Variants in VPS8 observed in about 807,000 individuals in gnomAD.
VPS8 encodes the protein VPS8 subunit of CORVET complex, also known as vacuolar protein sorting-associated protein 8 homolog.
Under a neutral mutation model 216.4 loss-of-function variants are expected in VPS8, and 129 were observed. The ratio of observed to expected loss-of-function variants is 0.60; its 90% CI spans 0.52 to 0.69. The LOEUF is 0.69. Ranked by LOEUF, VPS8 falls within the 30% of genes least tolerant of loss-of-function variation. The pLI is 0.00. For synonymous variants in VPS8, 571 were observed against 565.4 expected, an observed-to-expected ratio of 1.01 and a Z score of -0.14; for missense variants, 1,531 against 1,683.5, an observed-to-expected ratio of 0.91 and a Z score of 1.59.
chr3:184,927,455 A>G (rs1188824730), intron 31 of VPS8, among the ~76,000 whole-genome samples: 1 of 152,150 alleles, frequency 6.6e-6, no homozygotes, highest in Admixed American at 6.6e-5. Context: ...ACAGCTGGTA[A>G]AATTTTGGTT....
Position 184,914,977 on chromosome 3 carries a change from C to T in VPS8, c.2190-4C>T, listed in dbSNP as rs1227578983. 2 of 1,613,790 alleles carry T rather than the reference C, an allele frequency of 1.2e-6. No individual in the cohort carries two copies. The highest frequency in any genetic ancestry group is 3.3e-5 in the Admixed American group (2 of 60,018). ...CCATATCCATTCTCATTCTTTTCTT[C>T]TAGCTGTTGTCTAGCAGGTCGTGCC... is the stretch of plus-strand genomic sequence containing the variant. On this transcript the variant is annotated splice_polypyrimidine_tract_variant and splice_region_variant and intron_variant, in intron 26 of 47. Coordinates refer to ENST00000625842, the MANE Select transcript of VPS8 (RefSeq NM_001009921.3).
chr3:184,884,478 T>G (rs1269019610), intron 21 of VPS8, among the ~76,000 whole-genome samples: 1 of 152,228 alleles, frequency 6.6e-6, no homozygotes, highest in Non-Finnish European at 1.5e-5. Flanking sequence ...GTTCTCATAC[T>G]AAGGAGATAG....
chr3:184,897,307 TG>T (rs1483975120), intron 23 of VPS8, among the ~76,000 whole-genome samples: 1 of 152,098 alleles, frequency 6.6e-6, no homozygotes, highest in Non-Finnish European at 1.5e-5. Flanking sequence ...ATTGATTTGC[TG>T]GTGAATTGGG....
At chr3:185,023,542 C>G (rs986397076) in intron 45 of VPS8, among the ~76,000 whole-genome samples, 1 of 152,026 alleles carries the variant, frequency 6.6e-6, no homozygotes, top group African/African-American at 2.4e-5. Context: ...ACCTGTAATC[C>G]CAGCTAATTG....
At chr3:184,888,315 T>C (rs1326378946) in intron 22 of VPS8, among the ~76,000 whole-genome samples, 1 of 152,134 alleles carries the variant, frequency 6.6e-6, no homozygotes, top group Non-Finnish European at 1.5e-5. Flanking sequence ...TTACACATGG[T>C]CTGCTTTATG....
chr3:184,829,707 C>G (rs1233348893), intron 3 of VPS8, among the ~76,000 whole-genome samples: 1 of 152,086 alleles, frequency 6.6e-6, no homozygotes, highest in Non-Finnish European at 1.5e-5. Context: ...GTCTTTTTCA[C>G]TTTCATTCTT....
intron 43 of VPS8, among the ~76,000 whole-genome samples, chr3:184,994,344 AT>A (rs1276660992): frequency 6.6e-6 from 1 of 152,112 alleles, no homozygotes; most frequent in Admixed American, 6.6e-5. Context: ...TCTACAAAAA[AT>A]AAAAAAAAAT....
chr3:184,955,053 G>A (rs1244259901), intron 36 of VPS8, among the ~76,000 whole-genome samples: 2 of 152,212 alleles, frequency 1.3e-5, no homozygotes, highest in Non-Finnish European at 2.9e-5. Flanking sequence ...CTTTGGTCAA[G>A]TGGTAACGCC....
intron 25 of VPS8, among the ~76,000 whole-genome samples, chr3:184,907,366 T>C (rs1479913446): frequency 6.6e-6 from 1 of 152,214 alleles, no homozygotes; most frequent in Non-Finnish European, 1.5e-5. Flanking sequence ...TTGAGTTCTG[T>C]CTGTCCTTTG....
chr3:184,863,051 A>G lies in VPS8; in HGVS notation c.1379A>G (p.Asn460Ser), dbSNP rs952271451. ...TTCAAATCACTAGCCACTGGAGGAAATGTTAGCCAGGCACTGGTAAGGATA... is the reference window on the plus strand; with the variant it reads ...TTCAAATCACTAGCCACTGGAGGAAGTGTTAGCCAGGCACTGGTAAGGATA... Reference protein sequence around the residue: ...SHFKSLATGGNVSQALALVGE... With the variant: ...SHFKSLATGGSVSQALALVGE... The change falls in exon 16 of 48, where the codon AAT becomes AGT. Residue 460 changes from asparagine (N) to serine (S), a missense_variant. By Grantham distance (46) the Asn-to-Ser change is conservative (BLOSUM62 1). This residue lies in a region of VPS8 where 1,318 missense variants were observed against 1,468.4 expected (regional missense o/e 0.90). Transcript: ENST00000625842. 9 of 1,613,860 alleles carry G rather than the reference A, an allele frequency of 5.6e-6. No homozygotes were observed. Among genetic ancestry groups the G allele is most frequent in the Non-Finnish European group, 6.8e-6 (8 of 1,179,782 alleles).
At chr3:184,920,057 AT>A in intron 28 of VPS8, 69 bp from the exon 29 acceptor site, 1 of 1,101,330 alleles carries the variant, frequency 9.1e-7, no homozygotes, top group Non-Finnish European at 1.3e-6. Context: ...ATTAACAAGA[AT>A]TTAATAACTT....
intron 26 of VPS8, among the ~76,000 whole-genome samples, chr3:184,914,601 C>T (rs1362135994): frequency 4.6e-5 from 7 of 152,156 alleles, no homozygotes; most frequent in Non-Finnish European, 1.0e-4. Flanking sequence ...TATCTGAGAA[C>T]GCCAGGCTTT....
intron 22 of VPS8, among the ~76,000 whole-genome samples, chr3:184,893,857 A>G (rs1222037556): frequency 6.6e-6 from 1 of 152,238 alleles, no homozygotes; most frequent in Non-Finnish European, 1.5e-5. Flanking sequence ...CTGATTTTTC[A>G]GCATATTGAA....
At chr3:184,838,560 C>T (rs1473301292) in intron 5 of VPS8, among the ~76,000 whole-genome samples, 154 bp from the exon 6 acceptor site, 11 of 152,030 alleles carry the variant, frequency 7.2e-5, no homozygotes, top group Admixed American at 2.6e-4. Context: ...AGATATATAG[C>T]TTTTGTAATT....
intron 21 of VPS8, among the ~76,000 whole-genome samples, chr3:184,875,723 A>T (rs1217786562): frequency 1.3e-5 from 2 of 151,772 alleles, no homozygotes; most frequent in East Asian, 3.9e-4. Flanking sequence ...ATGATGGCTC[A>T]CACCTACAAT....
rs184895780 is a variant in VPS8, at chr3:184,819,551, A to G, written c.-88-4994A>G. 2.2e-3 allele frequency among the ~76,000 whole-genome samples: 339 copies of G among 152,362 alleles called. 1 individual carries two copies. The highest frequency in any genetic ancestry group is 7.9e-3 in the African/African-American group (327 of 41,588). ...AAGAGTGAAATATTAAGCATCATAT[A>G]GTAAGCATTCCATCATTGGTGCATA... is the stretch of plus-strand genomic sequence containing the variant. On this transcript the variant is annotated intron_variant, in intron 1 of 47. Transcript: ENST00000625842.
intron 28 of VPS8, among the ~76,000 whole-genome samples, chr3:184,919,298 A>T (rs886747531): frequency 2.6e-5 from 4 of 152,258 alleles, no homozygotes; most frequent in Admixed American, 1.3e-4. Context: ...AATTAGTGCT[A>T]CGTGGATTTA....
At chr3:184,983,158 A>G in intron 42 of VPS8, 64 bp downstream of exon 42, 1 of 1,359,574 alleles carries the variant, frequency 7.4e-7, no homozygotes, top group Non-Finnish European at 9.9e-7. Context: ...TATATAAATA[A>G]CAGTGAATTG....
intron 46 of VPS8, among the ~76,000 whole-genome samples, chr3:185,045,173 G>A (rs1712577570): frequency 6.6e-6 from 1 of 151,426 alleles, no homozygotes. Context: ...ATTGCCACCA[G>A]TGTCAATACA....
Sources: gnomAD v4.1 joint callset for allele counts (sites outside exome capture counted in the v4.1 genomes callset) on GRCh38, gnomAD v4.1.1 for gene constraint, gnomAD v4.1.1 regional missense constraint, MANE v1.5 for transcripts, NCBI Gene and HGNC (gene_info 2026-07-23, HGNC 2026-07-21) for gene names.